ATP8A2: variants seen among roughly 807,000 people sequenced by gnomAD.
The protein encoded by ATP8A2 is phospholipid-transporting ATPase IB.
Under a neutral mutation model 165.6 loss-of-function variants are expected in ATP8A2, and 100 were observed. The ratio of observed to expected loss-of-function variants is 0.60; its 90% confidence interval spans 0.51 to 0.71. ATP8A2 has a LOEUF of 0.71. Ranked by LOEUF, ATP8A2 falls within the 30% of genes least tolerant of loss-of-function variation. ATP8A2 has a pLI of 0.00. For synonymous variants in ATP8A2, 543 were observed against 548.8 expected (o/e 0.99, Z 0.15); for missense variants, 1,227 against 1,479.5 (o/e 0.83, Z 2.80).
chr13:25,574,438 C>T (rs2039557578), intron 18 of ATP8A2, among the ~76,000 whole-genome samples: 1 of 152,124 alleles, frequency 6.6e-6, no homozygotes, highest in African/African-American at 2.4e-5. Context: ...AGCATGTTAC[C>T]CCAGACCCTG....
intron 25 of ATP8A2, among the ~76,000 whole-genome samples, chr13:25,763,513 C>G (rs1201277658): frequency 1.3e-5 from 2 of 152,102 alleles, no homozygotes; most frequent in Non-Finnish European, 2.9e-5. Context: ...CTTTGTGCCT[C>G]TAGATAAGCT....
chr13:25,835,693 C>T (rs1401739463), intron 28 of ATP8A2, among the ~76,000 whole-genome samples: 1 of 152,110 alleles, frequency 6.6e-6, no homozygotes, highest in East Asian at 1.9e-4. Flanking sequence ...CCTTCTTCAG[C>T]TCCTGCTTGA....
intron 25 of ATP8A2, among the ~76,000 whole-genome samples, chr13:25,737,509 T>C (rs943706682): frequency 6.6e-5 from 10 of 152,118 alleles, no homozygotes; most frequent in African/African-American, 2.2e-4. Flanking sequence ...CTTTCTTTTC[T>C]GTGTGTGTGA....
intron 24 of ATP8A2, among the ~76,000 whole-genome samples, chr13:25,636,030 G>C (rs184389422): frequency 6.6e-6 from 1 of 152,140 alleles, no homozygotes; most frequent in African/African-American, 2.4e-5. Context: ...ATGAGTATGG[G>C]GGGAAGAGGT....
intron 25 of ATP8A2, among the ~76,000 whole-genome samples, chr13:25,721,364 A>G (rs935659250): frequency 3.9e-5 from 6 of 152,170 alleles, no homozygotes; most frequent in African/African-American, 1.4e-4. Context: ...TCTAGGAGAA[A>G]GCTTGTGTTT....
intron 25 of ATP8A2, among the ~76,000 whole-genome samples, chr13:25,746,422 G>T (rs541582626): frequency 6.6e-5 from 10 of 152,208 alleles, no homozygotes; most frequent in Non-Finnish European, 1.5e-4. Flanking sequence ...ATAAAGTTCT[G>T]CAGAATGAAG....
At chr13:25,992,218 C>CTTTTTT (rs560341350) in intron 35 of ATP8A2, among the ~76,000 whole-genome samples, 15 of 120,544 alleles carry the variant, frequency 1.2e-4, no homozygotes, top group South Asian at 2.6e-4. Context: ...CAGTGCTGTC[C>CTTTTTT]TTTTTTTTTT....
chr13:25,606,274 TAGG>T (rs951706997), intron 24 of ATP8A2, among the ~76,000 whole-genome samples: 2 of 152,210 alleles, frequency 1.3e-5, no homozygotes, highest in Non-Finnish European at 2.9e-5. Context: ...TGATGTGCCA[TAGG>T]AGGTGAACCA....
chr13:25,373,751 G>C (rs889909015), intron 1 of ATP8A2, among the ~76,000 whole-genome samples: 1 of 152,222 alleles, frequency 6.6e-6, no homozygotes, highest in South Asian at 2.1e-4. Context: ...GAAGAATTTG[G>C]TCTGAAATGC....
intron 10 of ATP8A2, among the ~76,000 whole-genome samples, chr13:25,549,038 T>C (rs1402936060): frequency 1.3e-5 from 2 of 152,236 alleles, no homozygotes; most frequent in Non-Finnish European, 2.9e-5. Flanking sequence ...GCTCTTTTAA[T>C]GATCAGATCA....
intron 35 of ATP8A2, among the ~76,000 whole-genome samples, chr13:25,990,973 G>A (rs1422838927): frequency 6.6e-6 from 1 of 152,148 alleles, no homozygotes; most frequent in Non-Finnish European, 1.5e-5. Context: ...CAGGACCACG[G>A]AGCTCAGCCT....
chr13:25,403,082 C>A (rs142839770), intron 1 of ATP8A2, among the ~76,000 whole-genome samples: 29 of 152,306 alleles, frequency 1.9e-4, no homozygotes, highest in Middle Eastern at 3.4e-3. Flanking sequence ...CTACAGGCCC[C>A]ACCTTTTAAT....
chr13:25,918,398 G>C (rs1954329915), intron 33 of ATP8A2, among the ~76,000 whole-genome samples: 2 of 152,144 alleles, frequency 1.3e-5, no homozygotes, highest in Admixed American at 6.6e-5. Context: ...CCAGTTACAA[G>C]GTTACTTGTT....
intron 33 of ATP8A2, among the ~76,000 whole-genome samples, chr13:25,891,104 T>C (rs1014830746): frequency 5.9e-5 from 9 of 152,204 alleles, no homozygotes; most frequent in African/African-American, 1.9e-4. Flanking sequence ...AAAGTAAAGT[T>C]GAAAATGCAA....
At chr13:25,673,186 T>C (rs2042302308) in intron 24 of ATP8A2, among the ~76,000 whole-genome samples, 1 of 152,198 alleles carries the variant, frequency 6.6e-6, no homozygotes, top group African/African-American at 2.4e-5. Flanking sequence ...ACAGAATGCT[T>C]TCTCCTCCGC....
chr13:25,485,917 A>G (rs1166865561), intron 2 of ATP8A2, among the ~76,000 whole-genome samples: 1 of 151,516 alleles, frequency 6.6e-6, no homozygotes, highest in East Asian at 1.9e-4. Context: ...TATTTCACCA[A>G]TTGACAACAT....
rs149151184 is a variant in ATP8A2 at position 25,441,192 on chromosome 13, C to T, written c.77-27785C>T. Among the ~76,000 whole-genome samples the T allele has an allele frequency of 6.8e-3, 1,041 of 152,248 alleles. 11 individuals are homozygous for T. Among genetic ancestry groups the T allele is most frequent in the African/African-American group, 0.023 (935 of 41,532 alleles). On this transcript the variant is annotated intron_variant, in intron 1 of 36. Coordinates refer to ENST00000381655, the MANE Select transcript of ATP8A2 (RefSeq NM_016529.6). ...TTAGGTTTTTAATTTGCTCTTACAG[C>T]TTAGAACAGTGATGAAATGGCTGCT...
chr13:25,855,144 G>A (rs1050945730), intron 30 of ATP8A2, among the ~76,000 whole-genome samples: 3 of 152,000 alleles, frequency 2.0e-5, no homozygotes, highest in Non-Finnish European at 2.9e-5. Context: ...CCAGCTACTT[G>A]GGAGGCTGAA....
At chr13:25,721,152 T>C (rs2043372971) in intron 25 of ATP8A2, among the ~76,000 whole-genome samples, 3 of 151,670 alleles carry the variant, frequency 2.0e-5, no homozygotes, top group Admixed American at 2.0e-4. Context: ...TTGGTAGGGA[T>C]AAGGGTCTTG....
Sources: gnomAD v4.1 joint callset for allele counts (sites outside exome capture counted in the v4.1 genomes callset) on GRCh38, gnomAD v4.1.1 for gene constraint, MANE v1.5 for transcripts, NCBI Gene and HGNC (gene_info 2026-07-23, HGNC 2026-07-21) for gene names.